Variants in VGLL4 observed in about 807,000 individuals in gnomAD.
The protein encoded by VGLL4 is transcription cofactor vestigial-like protein 4.
Under a neutral mutation model 21.0 loss-of-function variants are expected in VGLL4, and 7 were observed. The ratio of observed to expected loss-of-function variants is 0.33; its 90% CI spans 0.19 to 0.63. The LOEUF (loss-of-function observed/expected upper bound fraction) is 0.63, where lower values mean the gene tolerates loss of function less well. VGLL4 is among the 20% of genes least tolerant of loss of function. The probability of loss-of-function intolerance (pLI) is 0.78; values close to 1 mark genes in which losing one functional copy is unlikely to be tolerated. For synonymous variants in VGLL4, 222 were observed against 173.2 expected (o/e 1.28, Z -2.21); for missense variants, 394 against 425.7 (o/e 0.93, Z 0.66).
At chr3:11,695,620 A>G (rs2076596574) in intron 2 of VGLL4, among the ~76,000 whole-genome samples, 1 of 152,162 alleles carries the variant, frequency 6.6e-6, no homozygotes, top group Non-Finnish European at 1.5e-5. Flanking sequence ...AATGCACTTA[A>G]AAGTTCAGAT....
At chr3:11,656,838 A>T (rs1235905424) in intron 2 of VGLL4, among the ~76,000 whole-genome samples, 1 of 152,098 alleles carries the variant, frequency 6.6e-6, no homozygotes, top group Non-Finnish European at 1.5e-5. Context: ...GATGACTGTG[A>T]CCCCAGCAAC....
chr3:11,560,381 G>T lies in VGLL4; in HGVS notation c.496-926C>A, dbSNP rs541805868. 6.6e-5 allele frequency among the ~76,000 whole-genome samples: 10 copies of T among 152,282 alleles called. No homozygotes were observed. The East Asian group carries it at 1.9e-3, about 29-fold the overall frequency. ...GAGGACAAGGTGGTGGAGTATGTGG[G>T]CTAAGTTCCAGGACAGCCAGCAAGG... On this transcript the variant is annotated intron_variant, in intron 3 of 4. Transcript: ENST00000430365.
intron 2 of VGLL4, among the ~76,000 whole-genome samples, chr3:11,676,413 A>AAAT (rs1166202347): frequency 0.19 from 8,942 of 46,536 alleles, 342 homozygotes; most frequent in South Asian, 0.31. Flanking sequence ...AAAAAAAATA[A>AAAT]AATAATAATA....
At chr3:11,603,930 A>G (rs937678668) in intron 1 of VGLL4, among the ~76,000 whole-genome samples, 14 of 151,688 alleles carry the variant, frequency 9.2e-5, no homozygotes, top group Admixed American at 7.2e-4. Flanking sequence ...CAACATTCCC[A>G]CTCCCCTCCC....
At chr3:11,578,407 T>C (rs2074118906) in intron 2 of VGLL4, among the ~76,000 whole-genome samples, 1 of 152,136 alleles carries the variant, frequency 6.6e-6, no homozygotes, top group Non-Finnish European at 1.5e-5. Context: ...CACAACTGCC[T>C]GAATGCCAGC....
At chr3:11,655,109 C>T (rs1013448685) in intron 2 of VGLL4, among the ~76,000 whole-genome samples, 2 of 152,194 alleles carry the variant, frequency 1.3e-5, no homozygotes, top group Non-Finnish European at 2.9e-5. Context: ...CGTGGCCATA[C>T]ATTACAATCA....
intron 3 of VGLL4, among the ~76,000 whole-genome samples, chr3:11,559,807 G>T (rs991594899): frequency 6.6e-6 from 1 of 152,144 alleles, no homozygotes; most frequent in African/African-American, 2.4e-5. Flanking sequence ...CGATTCTCCC[G>T]TTAACGTCCC....
At chr3:11,666,146 G>C (rs1322447001) in intron 2 of VGLL4, among the ~76,000 whole-genome samples, 3 of 152,042 alleles carry the variant, frequency 2.0e-5, no homozygotes, top group Non-Finnish European at 4.4e-5. Context: ...CAGCTACTTG[G>C]GAGGCTGAGG....
Position 11,593,079 on chromosome 3 carries a change from G to C in VGLL4, c.272+8754C>G, listed in dbSNP as rs561914879. Among the ~76,000 whole-genome samples, 46 of 152,338 alleles carry C rather than the reference G, an allele frequency of 3.0e-4. 1 individual carries two copies. Among genetic ancestry groups the C allele is most frequent in the African/African-American group, 1.1e-3 (45 of 41,576 alleles). On this transcript the variant is annotated intron_variant, in intron 2 of 4. Transcript: ENST00000430365. ...ACTGTTTACGACGTCCCAGCTGCTA[G>C]CAGGGTCAAGGGACTAAAATAACCT...
At chr3:11,590,507 T>C (rs1161493252) in intron 2 of VGLL4, among the ~76,000 whole-genome samples, 3 of 152,304 alleles carry the variant, frequency 2.0e-5, no homozygotes, top group Admixed American at 6.5e-5. Context: ...TTCTGCAGTA[T>C]GTGTTGCCTC....
intron 2 of VGLL4, among the ~76,000 whole-genome samples, chr3:11,649,785 T>C (rs1311073536): frequency 6.6e-6 from 1 of 152,228 alleles, no homozygotes; most frequent in Non-Finnish European, 1.5e-5. Context: ...TTACTAATTA[T>C]GTCATATGTC....
intron 2 of VGLL4, among the ~76,000 whole-genome samples, chr3:11,665,425 C>T (rs766229521): frequency 1.6e-4 from 25 of 152,122 alleles, no homozygotes; most frequent in Non-Finnish European, 2.9e-4. Context: ...ACATCTTAAT[C>T]CACTCTAAAA....
rs74763736 is a variant in VGLL4 at position 11,590,150 on chromosome 3, G to A, written c.272+11683C>T. ...TCCCTTAGAGCATCTTGAGAGAAGA[G>A]TGTTTTGAGACAGTCTGAGCAGTGG... On this transcript the variant is annotated intron_variant, in intron 2 of 4. Transcript: ENST00000430365. 1.3e-3 allele frequency among the ~76,000 whole-genome samples: 198 copies of A among 152,320 alleles called. 1 individual carries two copies. The East Asian group carries it at 0.026, about 20-fold the overall frequency.
chr3:11,665,462 G>A (rs984994136), intron 2 of VGLL4, among the ~76,000 whole-genome samples: 4 of 152,154 alleles, frequency 2.6e-5, no homozygotes, highest in African/African-American at 9.7e-5. Context: ...ATCCCAACAT[G>A]CCTTCATACA....
chr3:11,559,647 T>G (rs909128182), intron 3 of VGLL4, among the ~76,000 whole-genome samples, 192 bp from the exon 4 acceptor site: 3 of 152,186 alleles, frequency 2.0e-5, no homozygotes, highest in African/African-American at 7.2e-5. Flanking sequence ...TCCAAGGGTG[T>G]GTGTAGTGGC....
chr3:11,621,055 T>C lies in VGLL4; in HGVS notation c.83-19033A>G, dbSNP rs1188069493. ...TTAGTAAGATTTATAATTGAGCTAA[T>C]ACTTTGCACAATATTTTAATGTAAG... is the stretch of plus-strand genomic sequence containing the variant. On this transcript the variant is annotated intron_variant, in intron 1 of 4. Coordinates refer to ENST00000430365, the MANE Select transcript of VGLL4 (RefSeq NM_001128219.3). 2.0e-5 allele frequency among the ~76,000 whole-genome samples: 3 copies of C among 152,228 alleles called. No individual in the cohort carries two copies. In the East Asian group the frequency reaches 5.8e-4, roughly 29 times the overall value.
At chr3:11,698,837 A>T (rs2125401048) in intron 2 of VGLL4, among the ~76,000 whole-genome samples, 1 of 152,350 alleles carries the variant, frequency 6.6e-6, no homozygotes, top group South Asian at 2.1e-4. Context: ...TGAAGCCTTA[A>T]TACTATCAGG....
chr3:11,648,117 C>T (rs2075819114), upstream of VGLL4, among the ~76,000 whole-genome samples: 2 of 152,134 alleles, frequency 1.3e-5, no homozygotes, highest in Admixed American at 1.3e-4. Flanking sequence ...ATTTTATCCA[C>T]ACACACAAAT....
chr3:11,652,359 G>T (rs767290552), intron 2 of VGLL4, among the ~76,000 whole-genome samples: 2 of 152,154 alleles, frequency 1.3e-5, no homozygotes, highest in African/African-American at 2.4e-5. Flanking sequence ...AATAGGAAAT[G>T]TGCTTTCACA....
Sources: allele counts gnomAD v4.1 joint callset (sites outside exome capture counted in the v4.1 genomes callset), GRCh38; gene constraint gnomAD v4.1.1; transcripts MANE v1.5; gene names NCBI Gene and HGNC (gene_info 2026-07-23, HGNC 2026-07-21).